The following GRHL3 variants were observed in gnomAD, a reference collection of about 807,000 sequenced individuals.
The protein encoded by GRHL3 is grainyhead-like protein 3 homolog.
A neutral mutation model predicts 70.3 loss-of-function variants in GRHL3; 20 were observed. The ratio of observed to expected loss-of-function variants is 0.28; its 90% CI spans 0.20 to 0.41. The LOEUF (loss-of-function observed/expected upper bound fraction) is 0.41, where lower values mean the gene tolerates loss of function less well. GRHL3 is among the 10% of genes least tolerant of loss of function. The probability of loss-of-function intolerance (pLI) is 1.00; values close to 1 mark genes in which losing one functional copy is unlikely to be tolerated. For synonymous variants in GRHL3, 299 were observed against 299.9 expected (o/e 1.00, Z 0.03); for missense variants, 637 against 762.3 (o/e 0.84, Z 1.94).
intron 15 of GRHL3, 75 bp from the exon 16 acceptor site, chr1:24,354,299 C>A: frequency 1.0e-6 from 1 of 984,412 alleles, no homozygotes; most frequent in Non-Finnish European, 1.6e-6. Flanking sequence ...TGACCCATCA[C>A]TCATCCTGGT....
chr1:24,322,983 C>G lies in GRHL3; in HGVS notation c.17+3415C>G. The G allele has an allele frequency of 9.3e-7, 1 of 1,078,174 alleles. No homozygotes were observed. Among genetic ancestry groups the G allele is most frequent in the Non-Finnish European group, 1.4e-6 (1 of 725,240 alleles). 66.8% of individuals were successfully genotyped at this position (1,078,174 alleles called of 1,614,324 possible). ...CACTGGGATCTTAACCGGGTCTTAG[C>G]CGAGCAGCCATAGGCCACCCCGCTT... is the stretch of plus-strand genomic sequence containing the variant. On this transcript the variant is annotated intron_variant, in intron 1 of 15. Coordinates refer to ENST00000361548, the MANE Select transcript of GRHL3 (RefSeq NM_198173.3). The surrounding 1 kb of genome is among the most constrained non-coding windows in gnomAD (Gnocchi z 4.4).
In GRHL3 at chr1:24,355,044, A is replaced by G. The variant is rs1640663551; in HGVS notation, c.*556A>G. 1 of 152,790 alleles carries G rather than the reference A, an allele frequency of 6.5e-6. No homozygotes were observed. Among genetic ancestry groups the G allele is most frequent in the African/African-American group, 2.4e-5 (1 of 41,438 alleles). The allele number at this position is 152,790 out of a possible 1,614,324, so 9.5% of individuals were successfully genotyped here. A position where few individuals can be genotyped will look rare whatever the true frequency, so the allele number is the denominator to read the frequency against. ...GCGCAGGATGTAAATAGCACTAACG[A>G]TCGACTGGAACAAAGTGACCGCTGT... On this transcript the variant is annotated 3_prime_UTR_variant, in exon 16 of 16. Transcript: ENST00000361548.
intron 15 of GRHL3, chr1:24,361,040 T>C: frequency 6.2e-7 from 1 of 1,603,394 alleles, no homozygotes; most frequent in Middle Eastern, 1.7e-4. Context: ...ATGGGGTTTT[T>C]CCTTTGGGAA....
chr1:24,335,874 G>A (rs1291013213), intron 3 of GRHL3, among the ~76,000 whole-genome samples: 2 of 152,052 alleles, frequency 1.3e-5, no homozygotes, highest in South Asian at 2.1e-4. Flanking sequence ...GAGCCACCGC[G>A]CCCTGCCACT....
intron 3 of GRHL3, 52 bp from the exon 4 acceptor site, chr1:24,336,430 C>T (rs1365215529): frequency 1.6e-6 from 2 of 1,277,558 alleles, no homozygotes; most frequent in Non-Finnish European, 2.2e-6. Context: ...AGCCAAAGAC[C>T]CCCCTTTACC....
exon 16 of GRHL3, chr1:24,364,226 C>T (rs1016021379): frequency 1.9e-6 from 3 of 1,544,624 alleles, no homozygotes; most frequent in South Asian, 2.4e-5. Flanking sequence ...CGCCACCCCC[C>T]ACCTGACTGT....
chr1:24,338,474 G>C (rs1286257244), intron 7 of GRHL3, among the ~76,000 whole-genome samples: 2 of 152,238 alleles, frequency 1.3e-5, no homozygotes, highest in Non-Finnish European at 1.5e-5. Flanking sequence ...GCTGGGCGGG[G>C]GAAAGGCTCC....
chr1:24,333,975 T>A (rs1416081690), intron 2 of GRHL3, among the ~76,000 whole-genome samples: 1 of 152,162 alleles, frequency 6.6e-6, no homozygotes, highest in Non-Finnish European at 1.5e-5. Flanking sequence ...AGAAACTGAG[T>A]CTCAGAGAGG....
chr1:24,323,595 T>C (rs1421120305), intron 1 of GRHL3, among the ~76,000 whole-genome samples: 1 of 152,116 alleles, frequency 6.6e-6, no homozygotes. Context: ...AAGTGTCAGT[T>C]TTTGCCCATG....
intron 3 of GRHL3, among the ~76,000 whole-genome samples, chr1:24,335,256 CAT>C (rs1639754650): frequency 5.3e-5 from 8 of 152,316 alleles, no homozygotes; most frequent in Admixed American, 3.9e-4. Context: ...GGGGGAGGGA[CAT>C]CTGGGTTCCC....
In GRHL3 at chr1:24,337,715, G is replaced by C. The variant is rs1301221523; in HGVS notation, c.766G>C (p.Gly256Arg). ...GESPMAYLNK[G>R]QFYPVTLRTP... is the part of the protein sequence containing the mutation. ...GTCACCCATGGCCTACCTCAACAAA[G>C]GCCAGTTCTACCCCGTCACCCTGCG... Residue 256 changes from glycine to arginine, a missense_variant, in exon 6 of 16, where the codon GGC (glycine) becomes CGC (arginine). By Grantham distance (125) the Gly-to-Arg change is moderately radical. Coordinates refer to ENST00000361548, the MANE Select transcript of GRHL3 (RefSeq NM_198173.3). 1.2e-6 allele frequency: 2 copies of C among 1,614,166 alleles called. No individual in the cohort carries two copies. Among genetic ancestry groups the C allele is most frequent in the Admixed American group, 3.3e-5 (2 of 60,026 alleles).
intron 8 of GRHL3, 25 bp downstream of exon 8, chr1:24,339,787 G>A (rs765898177): frequency 1.3e-6 from 2 of 1,522,344 alleles, no homozygotes; most frequent in Middle Eastern, 1.8e-4. Context: ...CAGTGGCTGG[G>A]ATGGGACTGG....
At chr1:24,346,472 G>T in intron 12 of GRHL3, 81 bp from the exon 13 acceptor site, 1 of 863,050 alleles carries the variant, frequency 1.2e-6, no homozygotes, top group South Asian at 1.4e-5. Flanking sequence ...CATTTCTAGG[G>T]CCCCTGGAGG....
intron 1 of GRHL3, chr1:24,319,872 G>C: frequency 3.2e-6 from 2 of 629,858 alleles, no homozygotes; most frequent in South Asian, 2.0e-5. Context: ...CTCTGAAGGG[G>C]CCTTGGAAAT....
chr1:24,323,671 C>T (rs1639288537), intron 1 of GRHL3, among the ~76,000 whole-genome samples: 1 of 152,234 alleles, frequency 6.6e-6, no homozygotes, highest in Non-Finnish European at 1.5e-5. Flanking sequence ...CAAGGCCTGA[C>T]TCTATGAAAT....
Position 24,342,033 on chromosome 1 carries a change from G to T in GRHL3, c.1048-82G>T. 1 of 1,339,858 alleles carries T rather than the reference G, an allele frequency of 7.5e-7. No individual in the cohort carries two copies. Among genetic ancestry groups the T allele is most frequent in the African/African-American group, 1.5e-5 (1 of 68,646 alleles). The allele number at this position is 1,339,858 out of a possible 1,614,324, so 83.0% of individuals were successfully genotyped here. ...AGGGTGAGCAGCAGGCACACAGAAA[G>T]CTAGAAATACAGGATCACTGTGGGA... is the stretch of plus-strand genomic sequence containing the variant. On this transcript the variant is annotated intron_variant, in intron 8 of 15. Transcript: ENST00000361548. This position sits in a 1 kb window ranked among gnomAD's most constrained non-coding sequence, Gnocchi z 4.8.
intron 1 of GRHL3, among the ~76,000 whole-genome samples, chr1:24,329,009 A>G (rs148255128): frequency 3.9e-3 from 593 of 152,250 alleles, no homozygotes; most frequent in African/African-American, 0.013. Flanking sequence ...GGACTTGCTC[A>G]GTAAATTCTT....
rs750573203 is a variant in GRHL3, at chr1:24,350,089, A to G, written c.1661A>G (p.Asn554Ser). ...GAGAAGTATGGGTTCCCTGAAGAGAACATTTACAAAGTCTACAAGAAATGC... is the reference window on the plus strand; with the variant it reads ...GAGAAGTATGGGTTCCCTGAAGAGAGCATTTACAAAGTCTACAAGAAATGC... ...ISEKYGFPEE[N>S]IYKVYKKCKR... is the part of the protein sequence containing the mutation. Residue 554 changes from asparagine to serine, a missense_variant, in exon 15 of 16, where the codon AAC (asparagine) becomes AGC (serine). This residue lies in a region of GRHL3 where 387 missense variants were observed against 513.8 expected (regional missense o/e 0.75). Transcript: ENST00000361548. 1 of 1,613,978 alleles carries G rather than the reference A, an allele frequency of 6.2e-7. No homozygotes were observed. The highest frequency in any genetic ancestry group is 8.5e-7 in the Non-Finnish European group (1 of 1,179,906).
chr1:24,364,091 C>G, intron 15 of GRHL3: 1 of 1,439,420 alleles, frequency 6.9e-7, no homozygotes, highest in Non-Finnish European at 9.2e-7. Flanking sequence ...AGTTCAGCAA[C>G]TCCATGCCTT....
Sources: gnomAD v4.1 joint callset for allele counts (sites outside exome capture counted in the v4.1 genomes callset) on GRCh38, gnomAD v4.1.1 for gene constraint, gnomAD v4.1.1 regional missense constraint, Gnocchi (gnomAD v3.1) non-coding constraint, MANE v1.5 for transcripts, NCBI Gene and HGNC (gene_info 2026-07-23, HGNC 2026-07-21) for gene names.